The following EFHD1 variants were observed in gnomAD, a reference collection of about 807,000 sequenced individuals.
EFHD1 encodes the protein EF-hand domain-containing protein D1.
In EFHD1, 10 loss-of-function variants were observed where a neutral mutation model predicts 17.2. The ratio of observed to expected loss-of-function variants is 0.58; its 90% CI spans 0.36 to 0.99. EFHD1 has a LOEUF of 0.99. Among genes scored for constraint, EFHD1 ranks in the 50% least tolerant of loss-of-function variants. The pLI is 0.01. For missense variants in EFHD1, 310 were observed against 327.5 expected, an observed-to-expected ratio of 0.95 and a Z score of 0.41; for synonymous variants, 153 against 142.0, an observed-to-expected ratio of 1.08 and a Z score of -0.55.
chr2:232,614,163 C>T (rs1385496065), intron 1 of EFHD1, among the ~76,000 whole-genome samples: 1 of 151,808 alleles, frequency 6.6e-6, no homozygotes, highest in African/African-American at 2.4e-5. Flanking sequence ...CACATTTACA[C>T]ATATATACAA....
At chr2:232,629,940 A>C (rs1042683330), upstream of EFHD1, among the ~76,000 whole-genome samples, 1 of 151,148 alleles carries the variant, frequency 6.6e-6, no homozygotes, top group African/African-American at 2.4e-5. Flanking sequence ...TGATTCAACA[A>C]GCATGTTTTT....
At chr2:232,628,099 C>T (rs1009579789) in intron 1 of EFHD1, among the ~76,000 whole-genome samples, 3 of 152,128 alleles carry the variant, frequency 2.0e-5, no homozygotes, top group Non-Finnish European at 2.9e-5. Flanking sequence ...CTCACTCTGT[C>T]GCCCAGGTTG....
chr2:232,649,323 C>T (rs1458616336), intron 1 of EFHD1, among the ~76,000 whole-genome samples: 3 of 152,204 alleles, frequency 2.0e-5, no homozygotes, highest in African/African-American at 7.2e-5. Flanking sequence ...CACACAGTCA[C>T]GCCTCACTCT....
intron 1 of EFHD1, among the ~76,000 whole-genome samples, chr2:232,627,036 CTATATATA>C (rs1178834241): frequency 1.7e-4 from 19 of 112,670 alleles, no homozygotes; most frequent in Middle Eastern, 4.4e-3. Context: ...CTCTCTCTCT[CTATATATA>C]TATATATATA....
chr2:232,667,702 G>A lies in EFHD1; in HGVS notation c.451-4607G>A, dbSNP rs1300070963. On this transcript the variant is annotated intron_variant, in intron 2 of 3. Transcript: ENST00000264059. ...CAAGTAGCTGGGATTACAAGCATGC[G>A]GCACCACACCCGGCTAATTTTGTAT... Among the ~76,000 whole-genome samples, 7 of 151,798 alleles carry A rather than the reference G, an allele frequency of 4.6e-5. No homozygotes were observed. The South Asian group carries it at 8.3e-4, about 18-fold the overall frequency.
intron 1 of EFHD1, among the ~76,000 whole-genome samples, chr2:232,608,889 C>T (rs1479978820): frequency 6.6e-6 from 1 of 151,866 alleles, no homozygotes; most frequent in Non-Finnish European, 1.5e-5. Context: ...GGGATCGCGC[C>T]ACTGCACTCC....
chr2:232,633,779 G>T lies in EFHD1; in HGVS notation c.75G>T (p.Gln25His). 1 of 1,461,094 alleles carries T rather than the reference G, an allele frequency of 6.8e-7. No individual in the cohort carries two copies. Among genetic ancestry groups the T allele is most frequent in the East Asian group, 3.0e-5 (1 of 33,112 alleles). 90.5% of individuals were successfully genotyped at this position (1,461,094 alleles called of 1,614,324 possible). ...RREEAEESGP[Q>H]LAPLGAPAPE... ...AGGAGGCCGAGGAGAGTGGCCCCCA[G>T]CTGGCTCCCCTCGGCGCCCCAGCCC... The change falls in exon 1 of 4, where the codon CAG (glutamine) becomes CAT (histidine). Residue 25 changes from glutamine to histidine, a missense_variant. Physicochemically the swap from Gln to His is conservative, Grantham distance 24. Coordinates refer to ENST00000264059, the MANE Select transcript of EFHD1 (RefSeq NM_025202.4).
In EFHD1 at chr2:232,633,784, C is replaced by A; in HGVS notation, c.80C>A (p.Ala27Asp). ...EEAEESGPQLAPLGAPAPEPK... is the reference protein window; with the variant it reads ...EEAEESGPQLDPLGAPAPEPK... ...GCCGAGGAGAGTGGCCCCCAGCTGG[C>A]TCCCCTCGGCGCCCCAGCCCCGGAG... Residue 27 changes from alanine (A) to aspartate (D), a missense_variant, in exon 1 of 4, where the codon GCT (alanine) becomes GAT (aspartate). Physicochemically the swap from Ala to Asp is moderately radical, Grantham distance 126 (BLOSUM62 -2). Transcript: ENST00000264059. The A allele has an allele frequency of 6.9e-7, 1 of 1,457,612 alleles. No individual in the cohort carries two copies. The highest frequency in any genetic ancestry group is 9.0e-7 in the Non-Finnish European group (1 of 1,113,276). The allele number at this position is 1,457,612 out of a possible 1,614,324, so 90.3% of individuals were successfully genotyped here. A position where few individuals can be genotyped will look rare whatever the true frequency, so the allele number is the denominator to read the frequency against.
At chr2:232,632,268 T>C (rs1158874466), upstream of EFHD1, among the ~76,000 whole-genome samples, 2 of 152,228 alleles carry the variant, frequency 1.3e-5, no homozygotes, top group African/African-American at 4.8e-5. Context: ...TACTTTTCTT[T>C]AAAAAACGTA....
At chr2:232,631,172 A>G (rs1274110811), upstream of EFHD1, among the ~76,000 whole-genome samples, 1 of 152,076 alleles carries the variant, frequency 6.6e-6, no homozygotes, top group Non-Finnish European at 1.5e-5. Context: ...GGTTGCAGTG[A>G]GCCGAGATCG....
intron 1 of EFHD1, among the ~76,000 whole-genome samples, chr2:232,644,282 ATTC>A (rs1229028248): frequency 6.6e-6 from 1 of 151,932 alleles, no homozygotes; most frequent in Non-Finnish European, 1.5e-5. Context: ...AACCTCTTTT[ATTC>A]TTTTTCTCAT....
chr2:232,634,080 G>T (rs1107504), intron 1 of EFHD1, 74 bp downstream of exon 1: 155,962 of 1,567,184 alleles, frequency 0.1, 13,889 homozygotes, highest in African/African-American at 0.43. Context: ...CCGAAGTCCC[G>T]GGCCCTGTTT....
intron 1 of EFHD1, among the ~76,000 whole-genome samples, chr2:232,621,159 A>C (rs1694010813): frequency 6.6e-6 from 1 of 152,194 alleles, no homozygotes; most frequent in Non-Finnish European, 1.5e-5. Context: ...TGAAATCATG[A>C]ATCATGAGTG....
At chr2:232,630,798 A>G (rs1694187646), upstream of EFHD1, among the ~76,000 whole-genome samples, 3 of 33,668 alleles carry the variant, frequency 8.9e-5, no homozygotes, top group Admixed American at 8.8e-4. Context: ...AAAAAAAAAA[A>G]AAGAAAGAAA....
At chr2:232,623,776 C>T (rs964085963) in intron 1 of EFHD1, among the ~76,000 whole-genome samples, 34 of 151,964 alleles carry the variant, frequency 2.2e-4, no homozygotes, top group African/African-American at 5.8e-4. Context: ...GCGCTGTCTT[C>T]GACCAGTCCT....
chr2:232,613,631 C>CAT (rs1248966954), intron 1 of EFHD1, among the ~76,000 whole-genome samples: 2 of 137,718 alleles, frequency 1.5e-5, no homozygotes, highest in Admixed American at 1.5e-4. Flanking sequence ...CACACACACA[C>CAT]ATATACACAC....
intron 1 of EFHD1, among the ~76,000 whole-genome samples, chr2:232,644,374 T>C (rs907293529): frequency 2.0e-5 from 3 of 152,146 alleles, no homozygotes; most frequent in African/African-American, 4.8e-5. Context: ...TTGCCATGCC[T>C]TGATGGTCCT....
chr2:232,665,471 G>A (rs554461951), intron 2 of EFHD1, among the ~76,000 whole-genome samples: 1 of 151,972 alleles, frequency 6.6e-6, no homozygotes, highest in African/African-American at 2.4e-5. Flanking sequence ...GCCCAGACTG[G>A]AGTACAGTGG....
chr2:232,627,053 TA>T (rs1559340061), intron 1 of EFHD1, among the ~76,000 whole-genome samples: 13 of 109,204 alleles, frequency 1.2e-4, no homozygotes, highest in African/African-American at 4.2e-4. Context: ...TATATATATA[TA>T]TATATATATA....
Sources: gnomAD v4.1 joint callset for allele counts (sites outside exome capture counted in the v4.1 genomes callset) on GRCh38, gnomAD v4.1.1 for gene constraint, MANE v1.5 for transcripts, NCBI Gene and HGNC (gene_info 2026-07-23, HGNC 2026-07-21) for gene names.